Variants in APLF observed in about 807,000 individuals in gnomAD.
APLF encodes the protein aprataxin and PNKP like factor, also known as aprataxin and PNK-like factor.
Under a neutral mutation model 55.6 loss-of-function variants are expected in APLF, and 61 were observed. The ratio of observed to expected loss-of-function variants is 1.10; its 90% CI spans 0.89 to 1.36. The LOEUF (loss-of-function observed/expected upper bound fraction) is 1.36. Ranked by LOEUF, APLF falls within the 40% of genes most tolerant of loss-of-function variation. The pLI is 0.00. For synonymous variants in APLF, 207 were observed against 214.8 expected (o/e 0.96, Z 0.32); for missense variants, 611 against 602.5 (o/e 1.01, Z -0.15).
At chr2:68,564,521 A>G (rs1388219127) in intron 8 of APLF, among the ~76,000 whole-genome samples, 1 of 152,102 alleles carries the variant, frequency 6.6e-6, no homozygotes, top group Non-Finnish European at 1.5e-5. Context: ...CTGTTTCTTG[A>G]GCTAATAATG....
At chr2:68,492,244 CG>C (rs373442013) in intron 2 of APLF, among the ~76,000 whole-genome samples, 3,606 of 151,392 alleles carry the variant, frequency 0.024, 55 homozygotes, top group South Asian at 0.042. Flanking sequence ...TTTGGGAGGC[CG>C]GGGTGGGTGG....
In APLF at chr2:68,578,550, T is replaced by A; in HGVS notation, c.*528T>A. On this transcript the variant is annotated 3_prime_UTR_variant, in exon 10 of 10. Transcript: ENST00000303795. ...CAATTTCACTTACTACTTTTATCCT[T>A]CAAAACTTGGGAAGATTGGTTCCAA... 1 of 985,668 alleles carries A rather than the reference T, an allele frequency of 1.0e-6. No homozygotes were observed. Among genetic ancestry groups the A allele is most frequent in the Non-Finnish European group, 1.2e-6 (1 of 830,166 alleles). The allele number at this position is 985,668 out of a possible 1,614,324, so 61.1% of individuals were successfully genotyped here. A position where few individuals can be genotyped will look rare whatever the true frequency, so the allele number is the denominator to read the frequency against.
chr2:68,506,979 A>G (rs1047150344), intron 3 of APLF, among the ~76,000 whole-genome samples: 4 of 152,024 alleles, frequency 2.6e-5, no homozygotes, highest in African/African-American at 4.8e-5. Context: ...AGACATGCAT[A>G]GGAATAATAA....
intron 2 of APLF, among the ~76,000 whole-genome samples, chr2:68,502,309 A>G (rs1444318775): frequency 6.6e-6 from 1 of 152,168 alleles, no homozygotes; most frequent in African/African-American, 2.4e-5. Context: ...GAGAAAATAA[A>G]TGGTAAAGAA....
chr2:68,488,221 C>A (rs1246760532), intron 1 of APLF, among the ~76,000 whole-genome samples: 1 of 151,860 alleles, frequency 6.6e-6, no homozygotes, highest in Admixed American at 6.6e-5. Context: ...GATTTTGGTA[C>A]CCAAGTCAGA....
chr2:68,521,769 A>G (rs886547234), intron 5 of APLF, among the ~76,000 whole-genome samples: 17 of 151,958 alleles, frequency 1.1e-4, no homozygotes, highest in African/African-American at 3.9e-4. Context: ...GCACATGCTG[A>G]TGAAGATTGA....
intron 3 of APLF, among the ~76,000 whole-genome samples, chr2:68,504,351 AAAACCC>A (rs1210647085): frequency 4.6e-5 from 7 of 151,906 alleles, no homozygotes; most frequent in African/African-American, 1.7e-4. Flanking sequence ...GATTTTACAA[AAAACCC>A]TCAAAACTAC....
intron 1 of APLF, 152 bp downstream of exon 1, chr2:68,467,979 T>A (rs1240814887): frequency 6.5e-6 from 3 of 462,538 alleles, no homozygotes; most frequent in African/African-American, 6.0e-5. Context: ...TTCAGTTACC[T>A]TTAAGCCAAT....
At chr2:68,550,423 G>A (rs890347789) in intron 8 of APLF, among the ~76,000 whole-genome samples, 6 of 151,972 alleles carry the variant, frequency 3.9e-5, no homozygotes, top group African/African-American at 1.5e-4. Flanking sequence ...GTAGAGACGG[G>A]GTTTCACTAT....
intron 1 of APLF, among the ~76,000 whole-genome samples, chr2:68,477,647 C>A (rs1221698962): frequency 6.6e-6 from 1 of 152,164 alleles, no homozygotes; most frequent in East Asian, 1.9e-4. Flanking sequence ...CTGTATTAGT[C>A]TGTTCTCACA....
intron 5 of APLF, among the ~76,000 whole-genome samples, chr2:68,525,575 G>A (rs1017229876): frequency 3.3e-5 from 5 of 152,066 alleles, no homozygotes; most frequent in Non-Finnish European, 7.4e-5. Flanking sequence ...GTTAAGGGAT[G>A]GAGCCTCCAT....
intron 6 of APLF, among the ~76,000 whole-genome samples, chr2:68,533,640 C>T (rs1027116637): frequency 2.0e-5 from 3 of 152,080 alleles, no homozygotes; most frequent in African/African-American, 7.2e-5. Flanking sequence ...TAGCTTTACT[C>T]GTGTGAATGG....
intron 1 of APLF, among the ~76,000 whole-genome samples, chr2:68,474,110 T>C (rs913249938): frequency 2.0e-5 from 3 of 152,196 alleles, no homozygotes; most frequent in Non-Finnish European, 2.9e-5. Flanking sequence ...AGGATACAGA[T>C]GAGGAGATGC....
intron 3 of APLF, among the ~76,000 whole-genome samples, chr2:68,507,493 C>G (rs1676901441): frequency 6.6e-6 from 1 of 151,952 alleles, no homozygotes; most frequent in African/African-American, 2.4e-5. Context: ...ATTTTTCACT[C>G]TTTTCTCTAC....
chr2:68,517,870 G>A (rs944598019), intron 5 of APLF, among the ~76,000 whole-genome samples: 4 of 137,624 alleles, frequency 2.9e-5, no homozygotes, highest in South Asian at 2.4e-4. Context: ...TTAATATATA[G>A]CAGTAATATA....
At position 68,569,341 on chromosome 2, in the gene APLF, T is replaced by C. The variant is rs139346885; in HGVS notation, c.1333+1954T>C. Reference sequence around the variant, plus strand: ...TTGATATGAGAATTTTAAGTAAAAGTTGGCCTTTAAGATGGTAGGATTTCA... The same window carrying C: ...TTGATATGAGAATTTTAAGTAAAAGCTGGCCTTTAAGATGGTAGGATTTCA... On this transcript the variant is annotated intron_variant, in intron 9 of 9. Transcript: ENST00000303795. 1.1e-4 allele frequency among the ~76,000 whole-genome samples: 17 copies of C among 152,224 alleles called. No individual in the cohort carries two copies. The Middle Eastern group carries it at 0.01, about 91-fold the overall frequency.
chr2:68,547,409 A>T (rs181482481), intron 8 of APLF, among the ~76,000 whole-genome samples: 74 of 151,914 alleles, frequency 4.9e-4, no homozygotes, highest in Non-Finnish European at 8.7e-4. Flanking sequence ...TACAAAGGAT[A>T]AAAATAGCCA....
intron 9 of APLF, among the ~76,000 whole-genome samples, chr2:68,569,250 G>A (rs955255007): frequency 2.6e-5 from 4 of 152,180 alleles, no homozygotes; most frequent in South Asian, 2.1e-4. Flanking sequence ...CCAACTTGCC[G>A]TGAGATGCTC....
intron 8 of APLF, among the ~76,000 whole-genome samples, chr2:68,559,692 A>G (rs188889594): frequency 1.9e-4 from 29 of 152,044 alleles, no homozygotes; most frequent in Admixed American, 1.9e-3. Context: ...TAGGTCCTCT[A>G]CCTTTGCCCT....
Sources: gnomAD v4.1 joint callset for allele counts (sites outside exome capture counted in the v4.1 genomes callset) on GRCh38, gnomAD v4.1.1 for gene constraint, MANE v1.5 for transcripts, NCBI Gene and HGNC (gene_info 2026-07-23, HGNC 2026-07-21) for gene names.